ARHGEF10L: variants seen among roughly 807,000 people sequenced by gnomAD.
ARHGEF10L encodes rho guanine nucleotide exchange factor 10-like protein.
A neutral mutation model predicts 141.2 loss-of-function variants in ARHGEF10L; 69 were observed. The observed-to-expected ratio is 0.49, with a 90% CI of 0.40 to 0.60. The LOEUF (loss-of-function observed/expected upper bound fraction) is 0.60. ARHGEF10L is among the 20% of genes least tolerant of loss of function. ARHGEF10L has a pLI of 0.00. For synonymous variants in ARHGEF10L, 711 were observed against 718.5 expected (o/e 0.99, Z 0.17); for missense variants, 1,482 against 1,734.3 (o/e 0.85, Z 2.58).
chr1:17,526,944 A>G, the ARHGEF10L span, among the ~76,000 whole-genome samples: 1 of 150,894 alleles, frequency 6.6e-6, no homozygotes, highest in Non-Finnish European at 1.5e-5. Context: ...CAGGGATGGC[A>G]GGATGCCTCG....
Position 17,573,049 on chromosome 1 carries a change from T to C in ARHGEF10L, c.-43-7504T>C, listed in dbSNP as rs1418899076. Reference sequence around the variant, plus strand: ...TGCCCCTCCGTGAGCTCCAGCTCTTTCCTGCCATTCTTCCGTCTGTACACC... The same window carrying C: ...TGCCCCTCCGTGAGCTCCAGCTCTTCCCTGCCATTCTTCCGTCTGTACACC... On this transcript the variant is annotated intron_variant, in intron 1 of 28. Coordinates refer to ENST00000361221, the MANE Select transcript of ARHGEF10L (RefSeq NM_018125.4). The surrounding 1 kb of genome is among the most constrained non-coding windows in gnomAD (Gnocchi z 4.8). 6.6e-6 allele frequency among the ~76,000 whole-genome samples: 1 copy of C among 152,170 alleles called. No homozygotes were observed. Among genetic ancestry groups the C allele is most frequent in the Non-Finnish European group, 1.5e-5 (1 of 68,016 alleles).
At chr1:17,632,692 C>T (rs2060771792) in intron 16 of ARHGEF10L, among the ~76,000 whole-genome samples, 1 of 152,242 alleles carries the variant, frequency 6.6e-6, no homozygotes, top group Admixed American at 6.5e-5. Context: ...GGGCACACAG[C>T]TGTCCATGGT....
intron 8 of ARHGEF10L, among the ~76,000 whole-genome samples, chr1:17,613,541 C>T (rs1224508669): frequency 6.6e-6 from 1 of 152,118 alleles, no homozygotes; most frequent in African/African-American, 2.4e-5. Context: ...TTACGTAGGT[C>T]TGGGACGAGG....
At chr1:17,649,888 G>C (rs2061814912) in intron 22 of ARHGEF10L, among the ~76,000 whole-genome samples, 1 of 152,176 alleles carries the variant, frequency 6.6e-6, no homozygotes, top group Non-Finnish European at 1.5e-5. Context: ...AGAAACAGTG[G>C]GGGAAGCCAG....
intron 26 of ARHGEF10L, among the ~76,000 whole-genome samples, chr1:17,675,476 T>G (rs2063593989): frequency 6.7e-6 from 1 of 148,162 alleles, no homozygotes; most frequent in Admixed American, 6.7e-5. Context: ...GGTACAGGTG[T>G]GTGTGCAGGT....
rs542285310 is a variant in ARHGEF10L at position 17,627,015 on chromosome 1, C to T, written c.1411-315C>T. On this transcript the variant is annotated intron_variant, in intron 14 of 28. Coordinates refer to ENST00000361221, the MANE Select transcript of ARHGEF10L (RefSeq NM_018125.4). The surrounding 1 kb of genome is among the most constrained non-coding windows in gnomAD (Gnocchi z 4.0). ...TTTTGTTTACGCGTTAGTCTGTCGACGGACATTTTTGCCTCCACATTTTGG... is the reference window on the plus strand; with the variant it reads ...TTTTGTTTACGCGTTAGTCTGTCGATGGACATTTTTGCCTCCACATTTTGG... Among the ~76,000 whole-genome samples, 6 of 152,366 alleles carry T rather than the reference C, an allele frequency of 3.9e-5. No individual in the cohort carries two copies. The highest frequency in any genetic ancestry group is 2.1e-4 in the South Asian group (1 of 4,828).
intron 9 of ARHGEF10L, chr1:17,618,526 A>G (rs745853625): frequency 2.4e-5 from 34 of 1,425,864 alleles, no homozygotes; most frequent in Non-Finnish European, 3.0e-5. Flanking sequence ...TGCTCAGGTA[A>G]GGGCCTATTG....
rs141250786 is a variant in ARHGEF10L, at chr1:17,603,089, A to T, written c.350-419A>T. Among the ~76,000 whole-genome samples, 9 of 151,848 alleles carry T rather than the reference A, an allele frequency of 5.9e-5. No homozygotes were observed. Among genetic ancestry groups the T allele is most frequent in the African/African-American group, 2.2e-4 (9 of 41,372 alleles). The stretch of plus-strand genomic sequence containing the variant: ...GCCTGTGGGTCAAGGACCGGCTCCC[A>T]TCAGGGGTGGGGGCTGGTTTTCCAA... On this transcript the variant is annotated intron_variant, in intron 5 of 28. Transcript: ENST00000361221. The surrounding 1 kb of genome is among the most constrained non-coding windows in gnomAD (Gnocchi z 4.8).
intron 4 of ARHGEF10L, among the ~76,000 whole-genome samples, chr1:17,600,001 C>A (rs1247919762): frequency 2.0e-5 from 3 of 152,232 alleles, no homozygotes; most frequent in Non-Finnish European, 4.4e-5. Context: ...TTCTCGCCAC[C>A]ACCACCGCTC....
intron 1 of ARHGEF10L, among the ~76,000 whole-genome samples, chr1:17,563,727 G>T (rs1477001647): frequency 6.6e-6 from 1 of 152,178 alleles, no homozygotes; most frequent in East Asian, 1.9e-4. Flanking sequence ...GGGAGGTTAA[G>T]TTGCACATTT....
chr1:17,536,928 G>A (rs767027803), upstream of ARHGEF10L, among the ~76,000 whole-genome samples: 2 of 151,952 alleles, frequency 1.3e-5, no homozygotes, highest in Non-Finnish European at 1.5e-5. Context: ...GGGGTGCAGC[G>A]GTGGGATCAT....
chr1:17,684,526 G>A (rs772857205), intron 26 of ARHGEF10L, among the ~76,000 whole-genome samples: 1 of 152,124 alleles, frequency 6.6e-6, no homozygotes, highest in Non-Finnish European at 1.5e-5. Flanking sequence ...GGGAGTGGGT[G>A]GCTAAGAAAA....
At chr1:17,599,207 G>A (rs546435210) in intron 4 of ARHGEF10L, among the ~76,000 whole-genome samples, 1 of 152,114 alleles carries the variant, frequency 6.6e-6, no homozygotes, top group South Asian at 2.1e-4. Flanking sequence ...ATAGTGGCGC[G>A]TGCCTGTAGT....
intron 22 of ARHGEF10L, among the ~76,000 whole-genome samples, chr1:17,650,732 CAAA>C (rs71575854): frequency 3.9e-5 from 3 of 77,906 alleles, no homozygotes; most frequent in Admixed American, 1.5e-4. Flanking sequence ...GACCCTGTCT[CAAA>C]AAAAAAAAAA....
intron 21 of ARHGEF10L, among the ~76,000 whole-genome samples, chr1:17,647,224 T>G (rs1054325841): frequency 1.3e-5 from 2 of 152,168 alleles, no homozygotes; most frequent in Non-Finnish European, 2.9e-5. Context: ...TAGGCCTGAA[T>G]CTGGGTGCTG....
chr1:17,641,610 C>G (rs1214017312), intron 21 of ARHGEF10L, among the ~76,000 whole-genome samples: 1 of 150,696 alleles, frequency 6.6e-6, no homozygotes, highest in African/African-American at 2.4e-5. Flanking sequence ...GCAACAGAGC[C>G]AGACTCCATC....
rs189376014 is a variant in ARHGEF10L at position 17,655,760 on chromosome 1, G to T, written c.2482-119G>T. The T allele has an allele frequency of 2.2e-4, 197 of 876,100 alleles. No homozygotes were observed. In the African/African-American group the frequency reaches 2.8e-3, roughly 12 times the overall value. 54.3% of individuals were successfully genotyped at this position (876,100 alleles called of 1,614,324 possible). On this transcript the variant is annotated intron_variant, in intron 23 of 28. Transcript: ENST00000361221. ...CCTTTGTGAAGGCAGGATGTGTGTG[G>T]GCAGGAGAAGGGATGCTTCTCTCAG...
chr1:17,629,357 T>C (rs1440556639), intron 15 of ARHGEF10L, among the ~76,000 whole-genome samples: 1 of 152,158 alleles, frequency 6.6e-6, no homozygotes, highest in African/African-American at 2.4e-5. Context: ...ATGGCAGTAG[T>C]TGCCAACATT....
chr1:17,570,923 G>C (rs547512232), intron 1 of ARHGEF10L, among the ~76,000 whole-genome samples: 39 of 152,256 alleles, frequency 2.6e-4, no homozygotes, highest in African/African-American at 8.9e-4. Flanking sequence ...CTAGCAAGCG[G>C]GATGGGAAGA....
Sources: gnomAD v4.1 joint callset for allele counts (sites outside exome capture counted in the v4.1 genomes callset) on GRCh38, gnomAD v4.1.1 for gene constraint, Gnocchi (gnomAD v3.1) non-coding constraint, MANE v1.5 for transcripts, NCBI Gene and HGNC (gene_info 2026-07-23, HGNC 2026-07-21) for gene names.